The following NPAS3 variants were observed in gnomAD, a reference collection of about 807,000 sequenced individuals.
NPAS3 encodes neuronal PAS domain-containing protein 3.
In NPAS3, 14 loss-of-function variants were observed where a neutral mutation model predicts 73.1. That is an observed-to-expected ratio of 0.19 (90% CI 0.13 to 0.30). The LOEUF (loss-of-function observed/expected upper bound fraction) is 0.30, where lower values mean the gene tolerates loss of function less well. NPAS3 is among the 10% of genes least tolerant of loss of function. The pLI is 1.00. For synonymous variants in NPAS3, 620 were observed against 541.5 expected (o/e 1.14, Z -2.01); for missense variants, 1,096 against 1,250.0 (o/e 0.88, Z 1.86).
intron 4 of NPAS3, among the ~76,000 whole-genome samples, chr14:33,377,670 G>A (rs1458291039): frequency 1.3e-5 from 2 of 152,182 alleles, no homozygotes; most frequent in African/African-American, 2.4e-5. Flanking sequence ...CATTCACTGA[G>A]AAAGAGTGAG....
At chr14:33,151,226 G>A (rs1359004256) in intron 2 of NPAS3, among the ~76,000 whole-genome samples, 1 of 152,214 alleles carries the variant, frequency 6.6e-6, no homozygotes, top group Non-Finnish European at 1.5e-5. Context: ...TAGGCATGGG[G>A]CTGTGACTGC....
At chr14:33,287,481 C>T (rs1410100067) in intron 3 of NPAS3, among the ~76,000 whole-genome samples, 1 of 152,200 alleles carries the variant, frequency 6.6e-6, no homozygotes, top group Non-Finnish European at 1.5e-5. Context: ...CACACATGGA[C>T]AGACTGCCTG....
chr14:33,516,348 G>A (rs1213956743), intron 4 of NPAS3, among the ~76,000 whole-genome samples: 2 of 152,144 alleles, frequency 1.3e-5, no homozygotes, highest in African/African-American at 2.4e-5. Context: ...TTTAAAAAGG[G>A]AGCATTCTTT....
At chr14:33,066,753 T>C (rs1185988874) in intron 2 of NPAS3, among the ~76,000 whole-genome samples, 1 of 152,180 alleles carries the variant, frequency 6.6e-6, no homozygotes, top group Non-Finnish European at 1.5e-5. Flanking sequence ...CAGGGCCTTT[T>C]ATTGTGAGGC....
intron 2 of NPAS3, among the ~76,000 whole-genome samples, chr14:33,167,747 A>G (rs1209582532): frequency 6.6e-6 from 1 of 152,220 alleles, no homozygotes; most frequent in Non-Finnish European, 1.5e-5. Context: ...CATAATAATA[A>G]GAGATACCGT....
intron 6 of NPAS3, among the ~76,000 whole-genome samples, chr14:33,732,249 T>C (rs954229577): frequency 6.6e-6 from 1 of 152,042 alleles, no homozygotes; most frequent in Non-Finnish European, 1.5e-5. Flanking sequence ...ACACACACAC[T>C]TTCTCTTCAG....
intron 4 of NPAS3, among the ~76,000 whole-genome samples, chr14:33,447,569 T>C (rs2049576227): frequency 6.6e-6 from 1 of 152,046 alleles, no homozygotes; most frequent in Non-Finnish European, 1.5e-5. Flanking sequence ...GTGACCACTA[T>C]GGAAAGAAGA....
At chr14:33,729,519 A>G (rs1486623764) in intron 6 of NPAS3, among the ~76,000 whole-genome samples, 2 of 152,134 alleles carry the variant, frequency 1.3e-5, no homozygotes, top group Non-Finnish European at 2.9e-5. Flanking sequence ...ATGAGGTTGC[A>G]ATTGAGATGG....
At chr14:33,345,181 A>G (rs1436473766) in intron 3 of NPAS3, among the ~76,000 whole-genome samples, 1 of 152,238 alleles carries the variant, frequency 6.6e-6, no homozygotes, top group African/African-American at 2.4e-5. Context: ...TAAACGTAAA[A>G]TACATCAAAC....
At chr14:33,546,470 C>T (rs1262665480) in intron 4 of NPAS3, among the ~76,000 whole-genome samples, 1 of 152,168 alleles carries the variant, frequency 6.6e-6, no homozygotes, top group Non-Finnish European at 1.5e-5. Context: ...GGATAACTCC[C>T]TACATCTACC....
intron 5 of NPAS3, among the ~76,000 whole-genome samples, chr14:33,588,145 C>T (rs573642917): frequency 6.6e-6 from 1 of 152,180 alleles, no homozygotes; most frequent in Non-Finnish European, 1.5e-5. Flanking sequence ...AATTATGAAG[C>T]CGCCGTCAAA....
At chr14:33,803,726 A>C (rs949104150), downstream of NPAS3, 22 of 126,408 alleles carry the variant, frequency 1.7e-4, no homozygotes, top group Admixed American at 4.8e-4. Flanking sequence ...AAAAAAAAAA[A>C]CACTTCATTA....
At chr14:33,281,129 T>G (rs2041587171) in intron 3 of NPAS3, among the ~76,000 whole-genome samples, 1 of 152,178 alleles carries the variant, frequency 6.6e-6, no homozygotes, top group African/African-American at 2.4e-5. Flanking sequence ...GGGAACCATT[T>G]GTTTTGTAGT....
chr14:33,279,420 A>T (rs1012612689), intron 3 of NPAS3, among the ~76,000 whole-genome samples: 1 of 152,186 alleles, frequency 6.6e-6, no homozygotes, highest in African/African-American at 2.4e-5. Context: ...GGTTGGAAGG[A>T]GTTGACTAAC....
rs149979826 is a variant in NPAS3, at chr14:33,525,678, G to A, written c.469-34443G>A. 4.6e-3 allele frequency among the ~76,000 whole-genome samples: 694 copies of A among 152,182 alleles called. 4 individuals are homozygous for A. Among genetic ancestry groups the A allele is most frequent in the South Asian group, 0.019 (92 of 4,812 alleles). On this transcript the variant is annotated intron_variant, in intron 4 of 11. Coordinates refer to ENST00000356141, the Ensembl canonical transcript of NPAS3. ...TAGGGATGGGCATCTTTATCCAGAA[G>A]GGAGAAGCTTTGAGAAGTCTTCAAG...
chr14:33,190,966 C>G (rs1357476549), intron 2 of NPAS3, among the ~76,000 whole-genome samples: 1 of 152,086 alleles, frequency 6.6e-6, no homozygotes, highest in East Asian at 1.9e-4. Context: ...CTTATGGATT[C>G]CCCCCCACAA....
intron 3 of NPAS3, among the ~76,000 whole-genome samples, chr14:33,318,714 A>G (rs2043310612): frequency 1.3e-5 from 2 of 152,116 alleles, no homozygotes; most frequent in African/African-American, 4.8e-5. Context: ...AAGTTGGGGA[A>G]ATGTATAGTC....
At chr14:33,275,447 C>T (rs572025058) in intron 3 of NPAS3, among the ~76,000 whole-genome samples, 1 of 152,112 alleles carries the variant, frequency 6.6e-6, no homozygotes, top group Non-Finnish European at 1.5e-5. Context: ...AAAATGTAGC[C>T]CACCACTTTG....
At chr14:33,513,504 T>C (rs1299271146) in intron 4 of NPAS3, among the ~76,000 whole-genome samples, 2 of 152,032 alleles carry the variant, frequency 1.3e-5, no homozygotes, top group Non-Finnish European at 2.9e-5. Flanking sequence ...TCCATAATTA[T>C]ATAATGTTAA....
Sources: gnomAD v4.1 joint callset for allele counts (sites outside exome capture counted in the v4.1 genomes callset) on GRCh38, gnomAD v4.1.1 for gene constraint, MANE v1.5 for transcripts, NCBI Gene and HGNC (gene_info 2026-07-23, HGNC 2026-07-21) for gene names.